GNA14: variants seen among roughly 807,000 people sequenced by gnomAD.
GNA14 encodes the protein guanine nucleotide-binding protein subunit alpha-14.
In GNA14, 50 loss-of-function variants were observed where a neutral mutation model predicts 42.0. The observed-to-expected ratio is 1.19, with a 90% CI of 0.95 to 1.51. GNA14 has a LOEUF of 1.51. Ranked by LOEUF, GNA14 falls within the 40% of genes most tolerant of loss-of-function variation. The pLI, the probability that GNA14 is intolerant of heterozygous loss-of-function variation, is 0.00. For synonymous variants in GNA14, 173 were observed against 163.1 expected, an observed-to-expected ratio of 1.06 and a Z score of -0.46; for missense variants, 473 against 446.2, an observed-to-expected ratio of 1.06 and a Z score of -0.54.
intron 1 of GNA14, among the ~76,000 whole-genome samples, chr9:77,598,871 G>A (rs1195449676): frequency 6.6e-6 from 1 of 152,170 alleles, no homozygotes; most frequent in Admixed American, 6.5e-5. Context: ...TACTAAGTTT[G>A]ATTGACCAGT....
chr9:77,596,412 G>A (rs535636048), intron 1 of GNA14, among the ~76,000 whole-genome samples: 84 of 151,898 alleles, frequency 5.5e-4, no homozygotes, highest in Non-Finnish European at 1.1e-3. Flanking sequence ...GTTTTACCTA[G>A]GATTAGAAAC....
intron 1 of GNA14, among the ~76,000 whole-genome samples, chr9:77,590,567 G>A (rs1462443571): frequency 6.6e-6 from 1 of 152,108 alleles, no homozygotes; most frequent in Middle Eastern, 3.2e-3. Flanking sequence ...CCCCACATCT[G>A]CTCACTCTTG....
chr9:77,571,489 G>A (rs1587834068), intron 1 of GNA14, among the ~76,000 whole-genome samples: 1 of 152,140 alleles, frequency 6.6e-6, no homozygotes, highest in Non-Finnish European at 1.5e-5. Context: ...AATGTGGCTA[G>A]TTTGGTTTGG....
At chr9:77,499,299 G>A (rs1446460363) in intron 2 of GNA14, among the ~76,000 whole-genome samples, 2 of 151,686 alleles carry the variant, frequency 1.3e-5, no homozygotes, top group Admixed American at 1.3e-4. Context: ...GAAAATAACA[G>A]CAGAATGATT....
chr9:77,584,279 G>C (rs555907732), intron 1 of GNA14, among the ~76,000 whole-genome samples: 3 of 152,180 alleles, frequency 2.0e-5, no homozygotes, highest in African/African-American at 4.8e-5. Context: ...CATCTTTAAT[G>C]ATGACCTTGA....
chr9:77,438,594 T>C (rs1168852237), intron 2 of GNA14, among the ~76,000 whole-genome samples: 1 of 152,066 alleles, frequency 6.6e-6, no homozygotes, highest in Non-Finnish European at 1.5e-5. Context: ...AAAAACCTTT[T>C]ACTGTGAAAT....
chr9:77,565,975 A>G (rs1822961394), intron 1 of GNA14, among the ~76,000 whole-genome samples: 1 of 147,258 alleles, frequency 6.8e-6, no homozygotes. Flanking sequence ...GCCACAACTT[A>G]GAGGGGTAAC....
At chr9:77,549,939 C>T (rs1325949191) in intron 1 of GNA14, among the ~76,000 whole-genome samples, 2 of 152,158 alleles carry the variant, frequency 1.3e-5, no homozygotes, top group Non-Finnish European at 2.9e-5. Flanking sequence ...CTTGCATGGG[C>T]CCTCCCCAGT....
At chr9:77,467,403 A>C (rs577994044) in intron 2 of GNA14, among the ~76,000 whole-genome samples, 23 of 151,690 alleles carry the variant, frequency 1.5e-4, no homozygotes, top group Non-Finnish European at 2.8e-4. Flanking sequence ...ATTGTTCCTG[A>C]GTGAATACAG....
At position 77,431,435 on chromosome 9, in the gene GNA14, A is replaced by C; in HGVS notation, c.479T>G (p.Ile160Ser). 6.2e-7 allele frequency: 1 copy of C among 1,613,414 alleles called. No individual in the cohort carries two copies. Among genetic ancestry groups the C allele is most frequent in the Non-Finnish European group, 8.5e-7 (1 of 1,179,528 alleles). Residue 160 changes from isoleucine (I) to serine (S), a missense_variant, in exon 4 of 7, where the codon ATT becomes AGT. Transcript: ENST00000341700. ...SDSAKYYLTDIDRIATPSFVP... is the reference protein window; with the variant it reads ...SDSAKYYLTDSDRIATPSFVP... ...GAATGATGGTGTGGCGATGCGGTCA[A>C]TGTCAGTCAGGTAACTGTATATTAG...
intron 1 of GNA14, among the ~76,000 whole-genome samples, chr9:77,640,706 T>C (rs1018948378): frequency 5.3e-5 from 8 of 151,768 alleles, no homozygotes; most frequent in Admixed American, 5.3e-4. Context: ...ATTAGGGACT[T>C]GATATCTTTG....
chr9:77,500,016 A>C (rs1836939323), intron 2 of GNA14, among the ~76,000 whole-genome samples: 1 of 151,710 alleles, frequency 6.6e-6, no homozygotes, highest in African/African-American at 2.4e-5. Context: ...AATTTCTGAT[A>C]ATTTCTTTTC....
At chr9:77,639,515 C>T (rs1229559867) in intron 1 of GNA14, among the ~76,000 whole-genome samples, 1 of 152,210 alleles carries the variant, frequency 6.6e-6, no homozygotes, top group Non-Finnish European at 1.5e-5. Context: ...CCCCCAACAA[C>T]CTGGTAGATG....
At chr9:77,634,326 G>A (rs1254874428) in intron 1 of GNA14, among the ~76,000 whole-genome samples, 3 of 150,374 alleles carry the variant, frequency 2.0e-5, no homozygotes, top group Admixed American at 1.3e-4. Flanking sequence ...GCTGAAGTGA[G>A]AGGATCCCTT....
intron 2 of GNA14, among the ~76,000 whole-genome samples, chr9:77,500,134 T>C (rs377118748): frequency 5.9e-5 from 9 of 152,146 alleles, no homozygotes; most frequent in African/African-American, 1.2e-4. Flanking sequence ...GCAATTCTCG[T>C]GCCTCAGCCT....
At chr9:77,441,669 TTGATATCTA>T (rs1318077801) in intron 2 of GNA14, among the ~76,000 whole-genome samples, 1 of 151,894 alleles carries the variant, frequency 6.6e-6, no homozygotes, top group African/African-American at 2.4e-5. Context: ...TCTATAAGCT[TTGATATCTA>T]TAAGCTTTGT....
intron 2 of GNA14, among the ~76,000 whole-genome samples, chr9:77,520,910 C>T (rs1837346800): frequency 6.6e-6 from 1 of 152,202 alleles, no homozygotes; most frequent in Non-Finnish European, 1.5e-5. Flanking sequence ...TATTACTCAT[C>T]ATTGGCTCCC....
intron 2 of GNA14, among the ~76,000 whole-genome samples, chr9:77,453,574 A>G (rs1835950378): frequency 6.6e-6 from 1 of 152,236 alleles, no homozygotes; most frequent in Non-Finnish European, 1.5e-5. Flanking sequence ...GAAAATGTGT[A>G]ACTATGCGCA....
At chr9:77,470,298 A>G (rs1836309107) in intron 2 of GNA14, among the ~76,000 whole-genome samples, 1 of 152,214 alleles carries the variant, frequency 6.6e-6, no homozygotes, top group Non-Finnish European at 1.5e-5. Context: ...AGCAGCACCC[A>G]TCAGGTGCTT....
Sources: allele counts gnomAD v4.1 joint callset (sites outside exome capture counted in the v4.1 genomes callset), GRCh38; gene constraint gnomAD v4.1.1; transcripts MANE v1.5; gene names NCBI Gene and HGNC (gene_info 2026-07-23, HGNC 2026-07-21).